The following BTRC variants were observed in gnomAD, a reference collection of about 807,000 sequenced individuals.
BTRC encodes F-box/WD repeat-containing protein 1A.
BTRC carries 42 observed loss-of-function variants against 85.5 expected under a neutral mutation model. The ratio of observed to expected loss-of-function variants is 0.49; its 90% CI spans 0.38 to 0.64. The LOEUF is 0.64. Ranked by LOEUF, BTRC falls within the 30% of genes least tolerant of loss-of-function variation. The probability of loss-of-function intolerance (pLI) is 0.00; values close to 1 mark genes in which losing one functional copy is unlikely to be tolerated. For synonymous variants in BTRC, 255 were observed against 263.3 expected, an observed-to-expected ratio of 0.97 and a Z score of 0.30; for missense variants, 594 against 743.5, an observed-to-expected ratio of 0.80 and a Z score of 2.34.
intron 2 of BTRC, among the ~76,000 whole-genome samples, chr10:101,445,241 G>A (rs916708045): frequency 1.4e-4 from 22 of 152,090 alleles, no homozygotes; most frequent in Admixed American, 1.4e-3. Context: ...ATAGCTGATT[G>A]TATATTTGTA....
At chr10:101,515,400 T>C (rs1439506355) in intron 4 of BTRC, among the ~76,000 whole-genome samples, 1 of 152,244 alleles carries the variant, frequency 6.6e-6, no homozygotes, top group African/African-American at 2.4e-5. Flanking sequence ...ATAAACATCT[T>C]AATAGATCCA....
At chr10:101,361,414 T>C (rs548824555) in intron 1 of BTRC, among the ~76,000 whole-genome samples, 1 of 152,358 alleles carries the variant, frequency 6.6e-6, no homozygotes, top group East Asian at 1.9e-4. Context: ...CCAGCAATAT[T>C]TTAATATAGC....
At chr10:101,374,425 A>G (rs1419821751) in intron 1 of BTRC, among the ~76,000 whole-genome samples, 1 of 151,370 alleles carries the variant, frequency 6.6e-6, no homozygotes, top group African/African-American at 2.4e-5. Flanking sequence ...AATGTGGCAC[A>G]TATACACCAT....
chr10:101,547,919 A>G (rs1015522063), intron 13 of BTRC, among the ~76,000 whole-genome samples: 1 of 152,216 alleles, frequency 6.6e-6, no homozygotes, highest in African/African-American at 2.4e-5. Flanking sequence ...GCTTATATCA[A>G]TGGATGCAGT....
At chr10:101,551,813 T>G (rs1477831465) in intron 14 of BTRC, among the ~76,000 whole-genome samples, 2 of 152,216 alleles carry the variant, frequency 1.3e-5, no homozygotes, top group African/African-American at 4.8e-5. Context: ...GCACAGGCTG[T>G]GTGCCCTTAG....
chr10:101,521,132 C>T lies in BTRC; in HGVS notation c.325-507C>T, dbSNP rs766899777. ...AAAAAAATGTTAAAAATTAGCAGGA[C>T]ATGATAGTGTGTACCTATATAGTCC... On this transcript the variant is annotated intron_variant, in intron 4 of 14. Coordinates refer to ENST00000370187, the MANE Select transcript of BTRC (RefSeq NM_033637.4). Among the ~76,000 whole-genome samples the T allele has an allele frequency of 2.5e-4, 38 of 151,986 alleles. 1 individual carries two copies. The highest frequency in any genetic ancestry group is 5.0e-4 in the Non-Finnish European group (34 of 68,002).
At position 101,552,357 on chromosome 10, in the gene BTRC, A is replaced by ATTT. The variant is rs33974447; in HGVS notation, c.*32-784_*32-782dup. On this transcript the variant is annotated intron_variant, in intron 14 of 14. Coordinates refer to ENST00000370187, the MANE Select transcript of BTRC (RefSeq NM_033637.4). ...ACACCATGACCAGCTAATTGTTTGT[A>ATTT]TTTTTTTTTTTTTTTTGGAGAGATG... is the stretch of plus-strand genomic sequence containing the variant. Among the ~76,000 whole-genome samples the ATTT allele has an allele frequency of 8.5e-4, 113 of 132,878 alleles. 1 individual carries two copies. The highest frequency in any genetic ancestry group is 5.1e-3 in the South Asian group (21 of 4,102). The allele number at this position is 132,878 out of a possible 152,430, so 87.2% of individuals were successfully genotyped here.
intron 4 of BTRC, among the ~76,000 whole-genome samples, chr10:101,491,098 A>C (rs1486609727): frequency 1.3e-5 from 2 of 152,032 alleles, no homozygotes; most frequent in East Asian, 3.9e-4. Flanking sequence ...TTACCTAGTC[A>C]GTAATTCCAT....
intron 13 of BTRC, among the ~76,000 whole-genome samples, chr10:101,540,282 T>C (rs2062446451): frequency 1.3e-5 from 2 of 152,346 alleles, no homozygotes; most frequent in African/African-American, 2.4e-5. Flanking sequence ...ATGATCCATT[T>C]TGAGTTAATC....
chr10:101,475,953 A>ATATATATATATATATATATATATAT (rs1265691229), intron 3 of BTRC, among the ~76,000 whole-genome samples: 6 of 133,820 alleles, frequency 4.5e-5, no homozygotes, highest in African/African-American at 5.9e-5. Flanking sequence ...ATATATATAT[A>ATATATATATATATATATATATATAT]TTCAGTAATT....
chr10:101,414,727 G>A (rs1312046263), intron 1 of BTRC: 4 of 472,706 alleles, frequency 8.5e-6, no homozygotes, highest in African/African-American at 2.0e-5. Flanking sequence ...GTGGGCCTAG[G>A]CTAATGTAAT....
intron 1 of BTRC, among the ~76,000 whole-genome samples, chr10:101,367,193 C>T (rs1399086229): frequency 6.8e-6 from 1 of 147,454 alleles, no homozygotes; most frequent in East Asian, 2.0e-4. Context: ...ACCTCAGCCT[C>T]CCCAGTGGCT....
chr10:101,533,473 T>G (rs1015004686), intron 9 of BTRC, among the ~76,000 whole-genome samples: 84 of 152,146 alleles, frequency 5.5e-4, no homozygotes, highest in African/African-American at 2.0e-3. Flanking sequence ...TGAGCTGTGC[T>G]CTCTTTGCCA....
At chr10:101,486,817 T>C (rs147872361) in intron 4 of BTRC, among the ~76,000 whole-genome samples, 2 of 152,288 alleles carry the variant, frequency 1.3e-5, no homozygotes, top group Non-Finnish European at 2.9e-5. Flanking sequence ...GACAAATCTT[T>C]TGAAGATATT....
intron 4 of BTRC, among the ~76,000 whole-genome samples, chr10:101,513,165 A>G (rs2134337348): frequency 6.6e-6 from 1 of 152,352 alleles, no homozygotes; most frequent in Non-Finnish European, 1.5e-5. Context: ...GGAGAATGGT[A>G]GAAGAAAGGG....
rs1944227720 is a variant in BTRC at position 101,425,522 on chromosome 10, G to C, written c.49-4823G>C. Among the ~76,000 whole-genome samples the C allele has an allele frequency of 2.0e-5, 3 of 151,990 alleles. 1 individual carries two copies. The South Asian group carries it at 6.2e-4, about 31-fold the overall frequency. ...ATCTGTTAACTTTGTCATAGCTTTT[G>C]AGACTGCATGTAAGGAGTAGGTGAT... On this transcript the variant is annotated intron_variant, in intron 1 of 14. Transcript: ENST00000370187.
chr10:101,491,054 G>A (rs1157109825), intron 4 of BTRC, among the ~76,000 whole-genome samples: 7 of 27,082 alleles, frequency 2.6e-4, no homozygotes, highest in African/African-American at 4.9e-4. Flanking sequence ...GCAAGACTCT[G>A]TCTCAAAAAA....
In BTRC at chr10:101,390,933, T is replaced by C. The variant is rs140099180; in HGVS notation, c.48+36705T>C. Reference sequence around the variant, plus strand: ...CTTTTTAAGACTTGTAGGGAATTCATTTATGTATTTTGAAACTTGCGTGGA... The same window carrying C: ...CTTTTTAAGACTTGTAGGGAATTCACTTATGTATTTTGAAACTTGCGTGGA... On this transcript the variant is annotated intron_variant, in intron 1 of 14. Coordinates refer to ENST00000370187, the MANE Select transcript of BTRC (RefSeq NM_033637.4). 3.4e-3 allele frequency among the ~76,000 whole-genome samples: 521 copies of C among 152,316 alleles called. 1 individual carries two copies. Among genetic ancestry groups the C allele is most frequent in the Middle Eastern group, 0.017 (5 of 294 alleles).
chr10:101,477,940 G>A (rs190163948), intron 3 of BTRC, among the ~76,000 whole-genome samples: 8 of 152,024 alleles, frequency 5.3e-5, no homozygotes, highest in East Asian at 3.9e-4. Context: ...ATGAGCCACC[G>A]CACCTGGCCT....
Sources: allele counts gnomAD v4.1 joint callset (sites outside exome capture counted in the v4.1 genomes callset), GRCh38; gene constraint gnomAD v4.1.1; transcripts MANE v1.5; gene names NCBI Gene and HGNC (gene_info 2026-07-23, HGNC 2026-07-21).